The following LTBR variants were observed in gnomAD, a reference collection of about 807,000 sequenced individuals.
LTBR encodes lymphotoxin beta receptor.
LTBR carries 15 observed loss-of-function variants against 45.4 expected under a neutral mutation model. The ratio of observed to expected loss-of-function variants is 0.33; its 90% CI spans 0.22 to 0.51. LTBR has a LOEUF of 0.51. Ranked by LOEUF, LTBR falls within the 20% of genes least tolerant of loss-of-function variation. The probability of loss-of-function intolerance (pLI) is 0.97; values close to 1 mark genes in which losing one functional copy is unlikely to be tolerated. For missense variants in LTBR, 450 were observed against 565.5 expected (o/e 0.80, Z 2.07); for synonymous variants, 228 against 231.0 (o/e 0.99, Z 0.12).
intron 1 of LTBR, chr12:6,377,122 G>GAGAAA: frequency 1.5e-6 from 1 of 664,414 alleles, no homozygotes; most frequent in Non-Finnish European, 2.6e-6. Context: ...AGGCAAAGAA[G>GAGAAA]AGAAAAGGCA....
chr12:6,383,566 G>A (rs935927617), upstream of LTBR, among the ~76,000 whole-genome samples: 1 of 152,160 alleles, frequency 6.6e-6, no homozygotes, highest in Non-Finnish European at 1.5e-5. Context: ...GGTTCCCTGA[G>A]GACAGGGAGC....
upstream of LTBR, among the ~76,000 whole-genome samples, chr12:6,381,729 C>T (rs1948987075): frequency 6.6e-6 from 1 of 152,206 alleles, no homozygotes; most frequent in African/African-American, 2.4e-5. Context: ...AATCCCAGCA[C>T]TTTGGGAGGC....
At chr12:6,380,409 A>G (rs2136923092), upstream of LTBR, among the ~76,000 whole-genome samples, 1 of 152,230 alleles carries the variant, frequency 6.6e-6, no homozygotes, top group South Asian at 2.1e-4. Flanking sequence ...GGCCGGGTAC[A>G]GTGGCTCGTG....
upstream of LTBR, among the ~76,000 whole-genome samples, chr12:6,380,799 G>T (rs1481567428): frequency 1.3e-5 from 2 of 152,002 alleles, no homozygotes; most frequent in Non-Finnish European, 2.9e-5. Flanking sequence ...CAGCTCCTTC[G>T]GAAGAAGGCC....
rs566178328 is a variant in LTBR, at chr12:6,388,991, G to A, written c.801+166G>A. The A allele has an allele frequency of 6.5e-5, 49 of 750,022 alleles. No homozygotes were observed. The highest frequency in any genetic ancestry group is 3.5e-4 in the East Asian group (13 of 36,806). 46.5% of individuals were successfully genotyped at this position (750,022 alleles called of 1,614,324 possible). ...CCAGGCACTGTCCTAGGCACTGGGC[G>A]TACAGCAGTGAGCAAAACACAGTAC... On this transcript the variant is annotated intron_variant, in intron 8 of 9. Transcript: ENST00000228918. The surrounding 1 kb of genome is among the most constrained non-coding windows in gnomAD (Gnocchi z 4.3).
rs1020191420 is a variant in LTBR, at chr12:6,386,253, G to A, written c.569+91G>A. On this transcript the variant is annotated intron_variant, in intron 5 of 9. Coordinates refer to ENST00000228918, the MANE Select transcript of LTBR (RefSeq NM_002342.3). The surrounding 1 kb of genome is among the most constrained non-coding windows in gnomAD (Gnocchi z 4.1). ...CGCCTATCCTTGACACCACGGACTC[G>A]ACTCACCACTTTCAGCCTCCCCGCC... is the stretch of plus-strand genomic sequence containing the variant. 49 of 1,479,086 alleles carry A rather than the reference G, an allele frequency of 3.3e-5. No individual in the cohort carries two copies. Among genetic ancestry groups the A allele is most frequent in the Middle Eastern group, 1.9e-4 (1 of 5,322 alleles). The allele number at this position is 1,479,086 out of a possible 1,614,324, so 91.6% of individuals were successfully genotyped here.
At chr12:6,382,473 C>T (rs187907833), upstream of LTBR, among the ~76,000 whole-genome samples, 384 of 152,314 alleles carry the variant, frequency 2.5e-3, 1 homozygote, top group African/African-American at 8.4e-3. Flanking sequence ...GCTACACACA[C>T]ATTCCTTTAC....
chr12:6,389,062 A>ACACC, intron 8 of LTBR: 1 of 500,766 alleles, frequency 2.0e-6, no homozygotes. Context: ...AATAAGTTAA[A>ACACC]CTATATATCA....
rs1006452238 is a variant in LTBR at position 6,385,778 on chromosome 12, C to T, written c.473-288C>T. 3.9e-5 allele frequency: 8 copies of T among 203,240 alleles called. 1 individual carries two copies. The highest frequency in any genetic ancestry group is 1.1e-3 in the Middle Eastern group (1 of 872). 12.6% of individuals were successfully genotyped at this position (203,240 alleles called of 1,614,324 possible). A position where few individuals can be genotyped will look rare whatever the true frequency, so the allele number is the denominator to read the frequency against. ...AAAATTAGCCGGGCGTGGTGGTGGG[C>T]GCCTGTATCCCAGCTACTCGGGAGG... On this transcript the variant is annotated intron_variant, in intron 4 of 9. Coordinates refer to ENST00000228918, the MANE Select transcript of LTBR (RefSeq NM_002342.3).
In LTBR at chr12:6,388,781, A is replaced by G. The variant is rs1479888466; in HGVS notation, c.776-19A>G. ...GAGGCCTGCCGGGGAGCCTACACCC[A>G]TTTCATTCTCCATTGCAGGATCGCT... On this transcript the variant is annotated intron_variant, in intron 7 of 9. Transcript: ENST00000228918. The surrounding 1 kb of genome is among the most constrained non-coding windows in gnomAD (Gnocchi z 4.3). The G allele has an allele frequency of 6.2e-7, 1 of 1,614,102 alleles. No homozygotes were observed. Among genetic ancestry groups the G allele is most frequent in the Non-Finnish European group, 8.5e-7 (1 of 1,180,004 alleles).
chr12:6,379,944 A>C (rs1316924422), upstream of LTBR, among the ~76,000 whole-genome samples: 1 of 149,410 alleles, frequency 6.7e-6, no homozygotes, highest in Non-Finnish European at 1.5e-5. Context: ...AAAAAAAAAA[A>C]AAACAAAAAA....
At position 6,386,109 on chromosome 12, in the gene LTBR, C is replaced by A. The variant is rs2364480; in HGVS notation, c.516C>A (p.Ala172=). The A allele has an allele frequency of 0.76, 1,225,765 of 1,612,922 alleles. 468,363 individuals are homozygous for A. The highest frequency in any genetic ancestry group is 0.94 in the African/African-American group (70,472 of 74,942). Residue 172 remains alanine (A), a synonymous_variant, in exon 5 of 10, where the codon GCC becomes GCA. Coordinates refer to ENST00000228918, the MANE Select transcript of LTBR (RefSeq NM_002342.3). This position sits in a 1 kb window ranked among gnomAD's most constrained non-coding sequence, Gnocchi z 4.1. ...KGNNHCVPCK[A]GHFQNTSSPS... ...ACAACCACTGCGTCCCCTGCAAGGC[C>A]GGGCACTTCCAGAATACCTCCTCCC...
At chr12:6,375,607 G>C (rs1173060998) in intron 1 of LTBR, 2 of 1,240,602 alleles carry the variant, frequency 1.6e-6, no homozygotes, top group East Asian at 2.6e-5. Flanking sequence ...GAGCAGGGCG[G>C]GGGGAGGGGC....
Position 6,388,175 on chromosome 12 carries a change from C to T in LTBR, c.668-223C>T. On this transcript the variant is annotated intron_variant, in intron 6 of 9. Coordinates refer to ENST00000228918, the MANE Select transcript of LTBR (RefSeq NM_002342.3). This position sits in a 1 kb window ranked among gnomAD's most constrained non-coding sequence, Gnocchi z 4.3. ...ATGCCCATCCATGATACAGTCTCTC[C>T]TGGCTGCCAAGAGGTCCTCAAGTCC... 1 of 524,076 alleles carries T rather than the reference C, an allele frequency of 1.9e-6. No homozygotes were observed. Among genetic ancestry groups the T allele is most frequent in the Non-Finnish European group, 3.5e-6 (1 of 288,908 alleles). The allele number at this position is 524,076 out of a possible 1,614,324, so 32.5% of individuals were successfully genotyped here.
chr12:6,387,974 C>T, intron 6 of LTBR: 1 of 375,330 alleles, frequency 2.7e-6, no homozygotes. Context: ...TGGCTGAGGC[C>T]ACAGAAATGT....
At chr12:6,390,579 GAGA>G (rs776582906) in intron 9 of LTBR, 78 bp from the exon 10 acceptor site, 256 of 1,400,394 alleles carry the variant, frequency 1.8e-4, no homozygotes, top group Non-Finnish European at 3.6e-5. Flanking sequence ...GGGGAAAGGC[GAGA>G]AGAAGGCAAG....
chr12:6,385,525 C>A, intron 4 of LTBR, 146 bp downstream of exon 4: 1 of 969,220 alleles, frequency 1.0e-6, no homozygotes, highest in Non-Finnish European at 1.5e-6. Context: ...CAGAGGCTCA[C>A]AGAAGGGTTC....
chr12:6,388,017 T>C lies in LTBR; in HGVS notation c.668-381T>C. ...GCCTGTGTCTGTTTACAACTCCAAG[T>C]CCCACCCTTCCCTACTGTCTCCCAA... On this transcript the variant is annotated intron_variant, in intron 6 of 9. Coordinates refer to ENST00000228918, the MANE Select transcript of LTBR (RefSeq NM_002342.3). This position sits in a 1 kb window ranked among gnomAD's most constrained non-coding sequence, Gnocchi z 4.3. 2.8e-6 allele frequency: 1 copy of C among 356,332 alleles called. No individual in the cohort carries two copies. Among genetic ancestry groups the C allele is most frequent in the Non-Finnish European group, 5.6e-6 (1 of 179,502 alleles). 22.1% of individuals were successfully genotyped at this position (356,332 alleles called of 1,614,324 possible).
upstream of LTBR, among the ~76,000 whole-genome samples, chr12:6,383,087 C>T (rs1278466066): frequency 6.6e-6 from 1 of 152,216 alleles, no homozygotes; most frequent in Non-Finnish European, 1.5e-5. Flanking sequence ...GTGGCACTCA[C>T]AGCCTGGTGG....
Sources: allele counts gnomAD v4.1 joint callset (sites outside exome capture counted in the v4.1 genomes callset), GRCh38; gene constraint gnomAD v4.1.1; non-coding constraint Gnocchi (gnomAD v3.1); transcripts MANE v1.5; gene names NCBI Gene and HGNC (gene_info 2026-07-23, HGNC 2026-07-21).